Variants in FBLN1 observed in about 807,000 individuals in gnomAD.
FBLN1 encodes fibulin 1.
Under a neutral mutation model 89.7 loss-of-function variants are expected in FBLN1, and 34 were observed. The ratio of observed to expected loss-of-function variants is 0.38; its 90% CI spans 0.29 to 0.50. FBLN1 has a LOEUF of 0.50. FBLN1 is among the 20% of genes least tolerant of loss of function. FBLN1 has a pLI of 0.92. For missense variants in FBLN1, 777 were observed against 988.1 expected (o/e 0.79, Z 2.86); for synonymous variants, 393 against 391.3 (o/e 1.00, Z -0.05).
intron 16 of FBLN1, among the ~76,000 whole-genome samples, chr22:45,595,696 A>C (rs1382553093): frequency 6.6e-6 from 1 of 152,312 alleles, no homozygotes; most frequent in African/African-American, 2.4e-5. Flanking sequence ...GAAATACTTA[A>C]CACCTGCTGT....
chr22:45,581,499 G>C lies in FBLN1; in HGVS notation c.1972+4391G>C, dbSNP rs765508538. On this transcript the variant is annotated intron_variant, in intron 16 of 16. Transcript: ENST00000327858. The surrounding 1 kb of genome is among the most constrained non-coding windows in gnomAD (Gnocchi z 7.6). The stretch of plus-strand genomic sequence containing the variant: ...AATCTGTGTGCTATGAGGCTTGGTT[G>C]TGGCCACATTTCTGTTAAAACCCTG... Among the ~76,000 whole-genome samples, 7 of 152,240 alleles carry C rather than the reference G, an allele frequency of 4.6e-5. No individual in the cohort carries two copies. The South Asian group carries it at 1.0e-3, about 23-fold the overall frequency.
rs1296283481 is a variant in FBLN1 at position 45,577,603 on chromosome 22, A to G, written c.1972+495A>G. Among the ~76,000 whole-genome samples, 1 of 152,166 alleles carries G rather than the reference A, an allele frequency of 6.6e-6. No individual in the cohort carries two copies. The highest frequency in any genetic ancestry group is 1.5e-5 in the Non-Finnish European group (1 of 68,030). On this transcript the variant is annotated intron_variant, in intron 16 of 16. Coordinates refer to ENST00000327858, the MANE Select transcript of FBLN1 (RefSeq NM_006486.3). The surrounding 1 kb of genome is among the most constrained non-coding windows in gnomAD (Gnocchi z 6.6). ...CTGGATTCGCCATGTGGCCTTGAGC[A>G]GTAGTCGTCCCCTCCCTACGCATCA...
intron 3 of FBLN1, 125 bp downstream of exon 3, chr22:45,525,803 C>CT: frequency 8.0e-7 from 1 of 1,246,756 alleles, no homozygotes; most frequent in Non-Finnish European, 1.1e-6. Flanking sequence ...TTGTGAGCAG[C>CT]TGGGGGTTCC....
Position 45,531,166 on chromosome 22 carries a change from T to G in FBLN1, c.485-99T>G. ...TTATATAAGATGTTCAAATGGGCAT[T>G]ACTGCCTGATAGTGACAAGAAGAGA... On this transcript the variant is annotated intron_variant, in intron 4 of 16. Transcript: ENST00000327858. The surrounding 1 kb of genome is among the most constrained non-coding windows in gnomAD (Gnocchi z 4.9). 1 of 1,014,702 alleles carries G rather than the reference T, an allele frequency of 9.9e-7. No homozygotes were observed. Among genetic ancestry groups the G allele is most frequent in the Non-Finnish European group, 1.6e-6 (1 of 634,750 alleles). 62.9% of individuals were successfully genotyped at this position (1,014,702 alleles called of 1,614,324 possible).
chr22:45,551,281 A>G (rs1229694228), intron 14 of FBLN1, among the ~76,000 whole-genome samples: 1 of 152,154 alleles, frequency 6.6e-6, no homozygotes, highest in Non-Finnish European at 1.5e-5. Flanking sequence ...TTGCTTCAGG[A>G]AAAGCTCCAT....
intron 14 of FBLN1, among the ~76,000 whole-genome samples, chr22:45,560,020 G>A (rs6007090): frequency 0.034 from 5,190 of 152,060 alleles, 296 homozygotes; most frequent in African/African-American, 0.12. Flanking sequence ...AGAAGTTTTC[G>A]GCTTATACAA....
chr22:45,568,428 G>GCCTTTTCTGTAGGGGAA (rs1386455026), intron 14 of FBLN1, among the ~76,000 whole-genome samples: 1 of 80,468 alleles, frequency 1.2e-5, no homozygotes, highest in Non-Finnish European at 2.6e-5. Context: ...CTGTAGGGGA[G>GCCTTTTCTGTAGGGGAA]TGCTCCTTCT....
chr22:45,515,349 C>A (rs545154135), intron 1 of FBLN1, among the ~76,000 whole-genome samples: 1 of 152,296 alleles, frequency 6.6e-6, no homozygotes, highest in African/African-American at 2.4e-5. Flanking sequence ...CGGGCACAGC[C>A]CCCAGACAGC....
intron 11 of FBLN1, 62 bp from the exon 12 acceptor site, chr22:45,547,023 G>A (rs1395798304): frequency 6.2e-7 from 1 of 1,611,758 alleles, no homozygotes; most frequent in Non-Finnish European, 8.5e-7. Context: ...CTGACCCTGA[G>A]GGCTACTGTG....
chr22:45,504,488 C>T (rs1483069043), intron 1 of FBLN1, among the ~76,000 whole-genome samples: 5 of 146,888 alleles, frequency 3.4e-5, no homozygotes, highest in African/African-American at 7.4e-5. Context: ...AGCAGCAGGC[C>T]GGGTGGCTGC....
In FBLN1 at chr22:45,596,425, A is replaced by C. The variant is rs538199573; in HGVS notation, c.1973-3882A>C. Among the ~76,000 whole-genome samples the C allele has an allele frequency of 1.1e-4, 16 of 152,268 alleles. No individual in the cohort carries two copies. The South Asian group carries it at 3.3e-3, about 32-fold the overall frequency. On this transcript the variant is annotated intron_variant, in intron 16 of 16. Transcript: ENST00000327858. ...AGTTTCTCTACATTCTTATTTAGCCAGTGCCAGGCACACGTAGCATGCGCA... is the reference window on the plus strand; with the variant it reads ...AGTTTCTCTACATTCTTATTTAGCCCGTGCCAGGCACACGTAGCATGCGCA...
intron 2 of FBLN1, among the ~76,000 whole-genome samples, chr22:45,521,771 T>C (rs1475193879): frequency 6.6e-6 from 1 of 152,152 alleles, no homozygotes. Context: ...AGGCAAGGGC[T>C]GTGGATGCGG....
chr22:45,581,581 C>T lies in FBLN1; in HGVS notation c.1972+4473C>T, dbSNP rs909429826. Among the ~76,000 whole-genome samples the T allele has an allele frequency of 3.9e-5, 6 of 152,156 alleles. No individual in the cohort carries two copies. The highest frequency in any genetic ancestry group is 2.1e-4 in the South Asian group (1 of 4,830). ...GTGAAGTAATTCTTTGGCCTACGGA[C>T]GAATTTTGCATGTGGACCTCCTGAC... On this transcript the variant is annotated intron_variant, in intron 16 of 16. Coordinates refer to ENST00000327858, the MANE Select transcript of FBLN1 (RefSeq NM_006486.3). This position sits in a 1 kb window ranked among gnomAD's most constrained non-coding sequence, Gnocchi z 7.6.
At chr22:45,599,730 C>T (rs556988763) in intron 16 of FBLN1, among the ~76,000 whole-genome samples, 16 of 152,194 alleles carry the variant, frequency 1.1e-4, no homozygotes, top group Non-Finnish European at 2.2e-4. Flanking sequence ...CTAGCCTGAT[C>T]AACATGGAGA....
At chr22:45,592,425 C>A (rs1466318790) in intron 16 of FBLN1, among the ~76,000 whole-genome samples, 1 of 152,158 alleles carries the variant, frequency 6.6e-6, no homozygotes, top group African/African-American at 2.4e-5. Flanking sequence ...CTCCCATGTT[C>A]AGGTGATTCT....
intron 10 of FBLN1, 70 bp from the exon 11 acceptor site, chr22:45,543,331 T>C (rs2088582342): frequency 1.3e-6 from 2 of 1,592,010 alleles, no homozygotes; most frequent in Admixed American, 3.3e-5. Context: ...GAGCTGGCCT[T>C]ACTAGGAGGG....
rs1419823634 is a variant in FBLN1, at chr22:45,574,261, T to C, written c.1698-250T>C. Among the ~76,000 whole-genome samples the C allele has an allele frequency of 1.3e-5, 2 of 152,234 alleles. No individual in the cohort carries two copies. The highest frequency in any genetic ancestry group is 4.8e-5 in the African/African-American group (2 of 41,466). On this transcript the variant is annotated intron_variant, in intron 14 of 16. Transcript: ENST00000327858. The surrounding 1 kb of genome is among the most constrained non-coding windows in gnomAD (Gnocchi z 4.1). ...AGTTGACAAATGTCCAAGCTGTGCT[T>C]ATCCGCCAGGGCACATGGAAGCTGG... is the stretch of plus-strand genomic sequence containing the variant.
intron 10 of FBLN1, 38 bp from the exon 11 acceptor site, chr22:45,543,363 T>TG (rs1203435853): frequency 1.2e-6 from 2 of 1,608,082 alleles, no homozygotes; most frequent in East Asian, 2.2e-5. Flanking sequence ...GCCACTGTGT[T>TG]GGACATTGCC....
At chr22:45,538,501 T>TC (rs548573680) in intron 8 of FBLN1, among the ~76,000 whole-genome samples, 9 of 152,054 alleles carry the variant, frequency 5.9e-5, no homozygotes, top group Non-Finnish European at 8.8e-5. Context: ...CACTTGCTTT[T>TC]CCCCCCCACT....
Sources: gnomAD v4.1 joint callset for allele counts (sites outside exome capture counted in the v4.1 genomes callset) on GRCh38, gnomAD v4.1.1 for gene constraint, Gnocchi (gnomAD v3.1) non-coding constraint, MANE v1.5 for transcripts, NCBI Gene and HGNC (gene_info 2026-07-23, HGNC 2026-07-21) for gene names.